SYNGR3: variants seen among roughly 807,000 people sequenced by gnomAD.
SYNGR3 encodes synaptogyrin-3.
SYNGR3 carries 10 observed loss-of-function variants against 18.5 expected under a neutral mutation model. The observed-to-expected ratio is 0.54, with a 90% CI of 0.33 to 0.92. The LOEUF (loss-of-function observed/expected upper bound fraction) is 0.92. Among genes scored for constraint, SYNGR3 ranks in the 40% least tolerant of loss-of-function variants. SYNGR3 has a pLI of 0.02. For synonymous variants in SYNGR3, 188 were observed against 157.2 expected (o/e 1.20, Z -1.47); for missense variants, 335 against 332.8 (o/e 1.01, Z -0.05).
chr16:1,992,458 G>A (rs1227454583), intron 2 of SYNGR3, 178 bp from the exon 3 acceptor site: 2 of 961,728 alleles, frequency 2.1e-6, no homozygotes, highest in Non-Finnish European at 2.9e-6. Context: ...GCGCGGAACG[G>A]GTCTGGCGCT....
Position 1,990,066 on chromosome 16 carries a change from G to T in SYNGR3, c.-37G>T. 9.8e-7 allele frequency: 1 copy of T among 1,019,114 alleles called. No individual in the cohort carries two copies. The highest frequency in any genetic ancestry group is 1.2e-6 in the Non-Finnish European group (1 of 807,082). The allele number at this position is 1,019,114 out of a possible 1,614,324, so 63.1% of individuals were successfully genotyped here. On this transcript the variant is annotated 5_prime_UTR_variant, in exon 1 of 4. Coordinates refer to ENST00000248121, the MANE Select transcript of SYNGR3 (RefSeq NM_004209.6). ...GGCCGGCCGGACGGACAGGCGGACA[G>T]AAGGCGCCAGGGGCGCGCGTCCCGC...
chr16:1,992,361 C>T (rs568532359), intron 2 of SYNGR3, 150 bp downstream of exon 2: 20 of 134,738 alleles, frequency 1.5e-4, no homozygotes, highest in South Asian at 4.0e-4. Flanking sequence ...ATGGGCCTCC[C>T]GGGTGGGCGG....
In SYNGR3 at chr16:1,993,606, G is replaced by T. The variant is rs760611723; in HGVS notation, c.*534G>T. 43 of 456,970 alleles carry T rather than the reference G, an allele frequency of 9.4e-5. No homozygotes were observed. The highest frequency in any genetic ancestry group is 1.8e-4 in the Non-Finnish European group (40 of 227,340). The allele number at this position is 456,970 out of a possible 1,614,324, so 28.3% of individuals were successfully genotyped here. The stretch of plus-strand genomic sequence containing the variant: ...TCTCACAGGCTGCTAGAACAGCCCA[G>T]CCCTGTCAGTGTTGTGATCATGGTC... On this transcript the variant is annotated 3_prime_UTR_variant, in exon 4 of 4. Coordinates refer to ENST00000248121, the MANE Select transcript of SYNGR3 (RefSeq NM_004209.6).
At position 1,993,817 on chromosome 16, in the gene SYNGR3, C is replaced by A. The variant is rs3183175; in HGVS notation, c.*745C>A. ...AGGAGAAGGATGCCTGGGTGCCAGG[C>A]AAGACAAGCCCCTCAGCAGGAGAGA... On this transcript the variant is annotated 3_prime_UTR_variant, in exon 4 of 4. Transcript: ENST00000248121. 0.055 allele frequency: 18,950 copies of A among 342,004 alleles called. 745 individuals are homozygous for A. Among genetic ancestry groups the A allele is most frequent in the Non-Finnish European group, 0.076 (13,042 of 172,624 alleles). 21.2% of individuals were successfully genotyped at this position (342,004 alleles called of 1,614,324 possible). A position where few individuals can be genotyped will look rare whatever the true frequency, so the allele number is the denominator to read the frequency against.
intron 2 of SYNGR3, 117 bp from the exon 3 acceptor site, chr16:1,992,519 G>A (rs949828624): frequency 3.7e-5 from 50 of 1,334,346 alleles, no homozygotes; most frequent in Non-Finnish European, 7.8e-6. Flanking sequence ...CTCGCGCCAC[G>A]CGGCGAGCCC....
chr16:1,992,428 C>T, intron 2 of SYNGR3: 4 of 722,744 alleles, frequency 5.5e-6, no homozygotes, highest in Non-Finnish European at 7.8e-6. Flanking sequence ...AGGCGGGGCC[C>T]GGGTCTGGGC....
intron 1 of SYNGR3, chr16:1,991,690 A>G: frequency 2.2e-6 from 1 of 453,606 alleles, no homozygotes; most frequent in Non-Finnish European, 3.9e-6. Flanking sequence ...TATAAAGAGA[A>G]TAAGAACAAT....
chr16:1,992,116 C>G lies in SYNGR3; in HGVS notation c.242C>G (p.Ala81Gly). Residue 81 changes from alanine to glycine, a missense_variant, in exon 2 of 4, where the codon GCC becomes GGC. Physicochemically the swap from Ala to Gly is moderately conservative, Grantham distance 60. Transcript: ENST00000248121. ...GVALGLGAFL[A>G]CAAFLLLDVR... is the part of the protein sequence containing the mutation. ...GCGCTGGGCCTCGGAGCCTTCCTCG[C>G]CTGCGCCGCCTTCCTGCTGCTCGAT... The G allele has an allele frequency of 6.4e-7, 1 of 1,554,614 alleles. No individual in the cohort carries two copies. Among genetic ancestry groups the G allele is most frequent in the Non-Finnish European group, 8.7e-7 (1 of 1,152,536 alleles).
Position 1,992,963 on chromosome 16 carries a change from C to G in SYNGR3, c.581C>G (p.Pro194Arg). The G allele has an allele frequency of 1.2e-6, 2 of 1,611,868 alleles. No individual in the cohort carries two copies. The highest frequency in any genetic ancestry group is 1.7e-6 in the Non-Finnish European group (2 of 1,179,690). Reference protein sequence around the residue: ...QLSTGASQAYPGYPVGSGVEG... With the variant: ...QLSTGASQAYRGYPVGSGVEG... ...AGCACCGGGGCGAGCCAGGCCTACCCCGGCTATCCGGTGGGCAGCGGCGTG... is the reference window on the plus strand; with the variant it reads ...AGCACCGGGGCGAGCCAGGCCTACCGCGGCTATCCGGTGGGCAGCGGCGTG... The change falls in exon 4 of 4, where the codon CCC (proline) becomes CGC (arginine). Residue 194 changes from proline to arginine, a missense_variant. Pro to Arg is a moderately radical substitution (Grantham distance 103). Coordinates refer to ENST00000248121, the MANE Select transcript of SYNGR3 (RefSeq NM_004209.6).
At chr16:1,991,635 C>T (rs1009497172) in intron 1 of SYNGR3, 1 of 293,268 alleles carries the variant, frequency 3.4e-6, no homozygotes, top group South Asian at 4.6e-5. Context: ...CATGTGATCC[C>T]GGACAAGTCA....
intron 1 of SYNGR3, 177 bp from the exon 2 acceptor site, chr16:1,991,797 G>A: frequency 3.5e-6 from 2 of 578,286 alleles, no homozygotes; most frequent in South Asian, 4.2e-5. Flanking sequence ...CTCACTAAAC[G>A]GCCCGTGTTG....
In SYNGR3 at chr16:1,989,974, C is replaced by A; in HGVS notation, c.-129C>A. 1 of 251,434 alleles carries A rather than the reference C, an allele frequency of 4.0e-6. No individual in the cohort carries two copies. The highest frequency in any genetic ancestry group is 6.9e-6 in the Non-Finnish European group (1 of 145,378). The allele number at this position is 251,434 out of a possible 1,614,324, so 15.6% of individuals were successfully genotyped here. ...GCGGCCGGCGCGCGCTCCCGGGAGG[C>A]GGCAGCGGCTGCAGCGTTGGTAGCA... On this transcript the variant is annotated 5_prime_UTR_variant, in exon 1 of 4. Coordinates refer to ENST00000248121, the MANE Select transcript of SYNGR3 (RefSeq NM_004209.6).
chr16:1,992,187 G>A lies in SYNGR3; in HGVS notation c.313G>A (p.Val105Met). The change falls in exon 2 of 4, where the codon GTG becomes ATG. Residue 105 changes from valine (V) to methionine (M), a missense_variant. Coordinates refer to ENST00000248121, the MANE Select transcript of SYNGR3 (RefSeq NM_004209.6). Reference sequence around the variant, plus strand: ...CAGCGTCCGCGACCGCCGGCGCGCGGTGTTGCTGGACCTGGGCTTCTCAGG... The same window carrying A: ...CAGCGTCCGCGACCGCCGGCGCGCGATGTTGCTGGACCTGGGCTTCTCAGG... ...ISSVRDRRRA[V>M]LLDLGFSGLW... 7.0e-7 allele frequency: 1 copy of A among 1,434,674 alleles called. No homozygotes were observed. The highest frequency in any genetic ancestry group is 9.1e-7 in the Non-Finnish European group (1 of 1,094,416). The allele number at this position is 1,434,674 out of a possible 1,614,324, so 88.9% of individuals were successfully genotyped here.
rs12922682 is a variant in SYNGR3 at position 1,992,138 on chromosome 16, C to A, written c.264C>A (p.Leu88=). 8.2e-3 allele frequency: 12,537 copies of A among 1,534,820 alleles called. 120 individuals carry two copies. Among genetic ancestry groups the A allele is most frequent in the Middle Eastern group, 0.041 (198 of 4,808 alleles). ...TCGCCTGCGCCGCCTTCCTGCTGCT[C>A]GATGTGCGCTTCCAGCAAATCAGCA... ...AFLACAAFLL[L]DVRFQQISSV... is the part of the protein sequence containing the mutation. The change falls in exon 2 of 4, where the codon CTC becomes CTA. Residue 88 remains leucine (L), a synonymous_variant. Transcript: ENST00000248121.
rs1284481975 is a variant in SYNGR3 at position 1,993,880 on chromosome 16, A to T, written c.*808A>T. On this transcript the variant is annotated 3_prime_UTR_variant, in exon 4 of 4. Coordinates refer to ENST00000248121, the MANE Select transcript of SYNGR3 (RefSeq NM_004209.6). ...CCAGCTGGCCACCGTGCCCCACAAG[A>T]TGGCCCCTGTGTGGTTCCCTTTACC... The T allele has an allele frequency of 1.9e-5, 6 of 314,740 alleles. No homozygotes were observed. The highest frequency in any genetic ancestry group is 1.9e-5 in the Non-Finnish European group (3 of 158,054). The allele number at this position is 314,740 out of a possible 1,614,324, so 19.5% of individuals were successfully genotyped here. A position where few individuals can be genotyped will look rare whatever the true frequency, so the allele number is the denominator to read the frequency against.
intron 2 of SYNGR3, 147 bp from the exon 3 acceptor site, chr16:1,992,489 G>C: frequency 2.6e-6 from 3 of 1,159,050 alleles, no homozygotes; most frequent in Non-Finnish European, 3.4e-6. Flanking sequence ...CGGGGTCAGC[G>C]CAGGAGAGGG....
At chr16:1,992,451 C>T in intron 2 of SYNGR3, 185 bp from the exon 3 acceptor site, 3 of 862,032 alleles carry the variant, frequency 3.5e-6, no homozygotes, top group Non-Finnish European at 4.8e-6. Flanking sequence ...AGCCTGGGCG[C>T]GGAACGGGTC....
rs937503229 is a variant in SYNGR3 at position 1,990,059 on chromosome 16, G to A, written c.-44G>A. 24 of 902,614 alleles carry A rather than the reference G, an allele frequency of 2.7e-5. No individual in the cohort carries two copies. Among genetic ancestry groups the A allele is most frequent in the Non-Finnish European group, 3.1e-5 (22 of 702,476 alleles). The allele number at this position is 902,614 out of a possible 1,614,324, so 55.9% of individuals were successfully genotyped here. A position where few individuals can be genotyped will look rare whatever the true frequency, so the allele number is the denominator to read the frequency against. On this transcript the variant is annotated 5_prime_UTR_variant, in exon 1 of 4. Transcript: ENST00000248121. ...CGGGCGGGGCCGGCCGGACGGACAG[G>A]CGGACAGAAGGCGCCAGGGGCGCGC...
chr16:1,992,391 C>A (rs1425484634), intron 2 of SYNGR3, 180 bp downstream of exon 2: 30 of 443,218 alleles, frequency 6.8e-5, no homozygotes, highest in Non-Finnish European at 9.7e-5. Context: ...GGAGCCTGGA[C>A]GGGGAGCGCC....
Sources: gnomAD v4.1 joint callset for allele counts on GRCh38, gnomAD v4.1.1 for gene constraint, MANE v1.5 for transcripts, NCBI Gene and HGNC (gene_info 2026-07-23, HGNC 2026-07-21) for gene names.